The following DNAH14 variants were observed in gnomAD, a reference collection of about 807,000 sequenced individuals.
DNAH14 encodes dynein axonemal heavy chain 14.
Under a neutral mutation model 520.9 loss-of-function variants are expected in DNAH14, and 478 were observed. The observed-to-expected ratio is 0.92, with a 90% confidence interval of 0.85 to 0.99. DNAH14 has a LOEUF of 0.99. Among genes scored for constraint, DNAH14 ranks in the 50% least tolerant of loss-of-function variants. The pLI is 0.00. For missense variants in DNAH14, 4,831 were observed against 5,234.5 expected (o/e 0.92, Z 2.38); for synonymous variants, 1,581 against 1,757.2 (o/e 0.90, Z 2.51).
intron 66 of DNAH14, among the ~76,000 whole-genome samples, chr1:225,335,275 TTGTG>T (rs1476653576): frequency 1.3e-5 from 1 of 79,204 alleles, no homozygotes; most frequent in African/African-American, 5.1e-5. Flanking sequence ...CACGTGTACA[TTGTG>T]TGTATATGCA....
rs1391777127 is a variant in DNAH14 at position 225,247,263 on chromosome 1, A to G, written c.6749-5038A>G. 7.3e-5 allele frequency among the ~76,000 whole-genome samples: 11 copies of G among 151,018 alleles called. No homozygotes were observed. The East Asian group carries it at 2.2e-3, about 30-fold the overall frequency. ...AAGGGGAGGGAGAGCATTAGGACAA[A>G]TACCTAATGCATGCGGGGCTGAAAA... On this transcript the variant is annotated intron_variant, in intron 43 of 85. Coordinates refer to ENST00000682510, the MANE Select transcript of DNAH14 (RefSeq NM_001367479.1).
chr1:225,327,492 A>T (rs2094702132), intron 64 of DNAH14, among the ~76,000 whole-genome samples: 1 of 152,142 alleles, frequency 6.6e-6, no homozygotes, highest in African/African-American at 2.4e-5. Flanking sequence ...CCAGTGGGTC[A>T]CAGAAGAAAT....
chr1:224,978,901 G>A (rs893063412), intron 8 of DNAH14, among the ~76,000 whole-genome samples: 1 of 151,962 alleles, frequency 6.6e-6, no homozygotes, highest in African/African-American at 2.4e-5. Flanking sequence ...TTAGCCTCCC[G>A]AAGTACTGGG....
chr1:225,366,556 A>G (rs1245706351), intron 76 of DNAH14, among the ~76,000 whole-genome samples: 1 of 152,138 alleles, frequency 6.6e-6, no homozygotes, highest in Non-Finnish European at 1.5e-5. Context: ...ATATTTTCTC[A>G]TTTCTCCACA....
intron 17 of DNAH14, among the ~76,000 whole-genome samples, chr1:225,060,901 G>A (rs1173003206): frequency 1.8e-5 from 1 of 55,820 alleles, no homozygotes; most frequent in African/African-American, 3.1e-5. Context: ...GTACCTGGCC[G>A]TGTGAGGTGT....
At chr1:225,025,196 T>C (rs532427624) in intron 11 of DNAH14, among the ~76,000 whole-genome samples, 48 of 151,892 alleles carry the variant, frequency 3.2e-4, no homozygotes, top group African/African-American at 1.1e-3. Context: ...AAATTAGCTG[T>C]GCACGATGGC....
intron 1 of DNAH14, among the ~76,000 whole-genome samples, chr1:224,935,687 G>A (rs1484774073): frequency 6.6e-6 from 1 of 151,804 alleles, no homozygotes; most frequent in Non-Finnish European, 1.5e-5. Flanking sequence ...AGAAACATTA[G>A]ATTAGAACTG....
chr1:225,145,775 T>G (rs1199964025), intron 30 of DNAH14, among the ~76,000 whole-genome samples: 2 of 152,204 alleles, frequency 1.3e-5, no homozygotes, highest in African/African-American at 4.8e-5. Context: ...AAGACAAGAT[T>G]ATGATTAACA....
chr1:225,276,378 T>C (rs368827296), intron 53 of DNAH14, among the ~76,000 whole-genome samples: 1 of 152,156 alleles, frequency 6.6e-6, no homozygotes, highest in African/African-American at 2.4e-5. Context: ...TTATAGGAAG[T>C]TGAATGAATA....
Position 225,237,773 on chromosome 1 carries a change from T to G in DNAH14, c.6519-2820T>G, listed in dbSNP as rs138487085. Reference sequence around the variant, plus strand: ...CAGTCATAGGTTCGGTATCCTTACATAATCCCATAATTCTCAGTGGTTTTT... The same window carrying G: ...CAGTCATAGGTTCGGTATCCTTACAGAATCCCATAATTCTCAGTGGTTTTT... On this transcript the variant is annotated intron_variant, in intron 42 of 85. Coordinates refer to ENST00000682510, the MANE Select transcript of DNAH14 (RefSeq NM_001367479.1). Among the ~76,000 whole-genome samples, 1,089 of 152,338 alleles carry G rather than the reference T, an allele frequency of 7.1e-3. 3 individuals carry two copies. Among genetic ancestry groups the G allele is most frequent in the Non-Finnish European group, 0.012 (843 of 68,038 alleles).
chr1:225,021,388 A>C (rs559724736), intron 10 of DNAH14, among the ~76,000 whole-genome samples: 2 of 152,334 alleles, frequency 1.3e-5, no homozygotes, highest in Non-Finnish European at 2.9e-5. Context: ...TCTATCTAGG[A>C]AACCTTATAG....
At chr1:224,957,773 C>T (rs115125123) in intron 3 of DNAH14, among the ~76,000 whole-genome samples, 6 of 152,140 alleles carry the variant, frequency 3.9e-5, no homozygotes, top group Non-Finnish European at 8.8e-5. Flanking sequence ...GTTTTTGTGG[C>T]GTTCCAAAGC....
chr1:225,337,204 T>A, intron 66 of DNAH14, 62 bp from the exon 67 acceptor site: 1 of 1,287,490 alleles, frequency 7.8e-7, no homozygotes, highest in South Asian at 1.3e-5. Flanking sequence ...TAGTACCCTG[T>A]AGGATACTAA....
intron 27 of DNAH14, among the ~76,000 whole-genome samples, chr1:225,140,462 A>G (rs2079338666): frequency 6.6e-6 from 1 of 152,196 alleles, no homozygotes; most frequent in East Asian, 1.9e-4. Context: ...CTAATATATC[A>G]TCTTGGAGTT....
At chr1:225,013,212 C>T (rs1465729251) in intron 10 of DNAH14, among the ~76,000 whole-genome samples, 11 of 152,046 alleles carry the variant, frequency 7.2e-5, no homozygotes, top group Non-Finnish European at 5.9e-5. Context: ...TTTGCTTCTA[C>T]CAGTCAGGCC....
chr1:225,169,453 G>T (rs1408999021), intron 36 of DNAH14, among the ~76,000 whole-genome samples: 1 of 152,200 alleles, frequency 6.6e-6, no homozygotes, highest in Non-Finnish European at 1.5e-5. Context: ...GTCCTTAAAG[G>T]ACCTGATGGA....
chr1:225,022,691 T>C (rs2065804430), intron 10 of DNAH14, among the ~76,000 whole-genome samples: 1 of 152,148 alleles, frequency 6.6e-6, no homozygotes, highest in Admixed American at 6.6e-5. Context: ...TGGAGACTTC[T>C]CAAAGAACTT....
chr1:225,218,970 C>T (rs2089746082), intron 41 of DNAH14, among the ~76,000 whole-genome samples: 1 of 152,172 alleles, frequency 6.6e-6, no homozygotes, highest in South Asian at 2.1e-4. Context: ...GACCACAGTG[C>T]AATCAAGTTA....
rs2095368802 is a variant in DNAH14, at chr1:225,351,759, C to T, written c.11409C>T (p.Ser3803=). Residue 3803 remains serine, a synonymous_variant, in exon 72 of 86, where the codon TCC becomes TCT. Coordinates refer to ENST00000682510, the MANE Select transcript of DNAH14 (RefSeq NM_001367479.1). The part of the protein sequence containing the change: ...HLEPFSLLCK[S]LLSNVSQWDT... The stretch of plus-strand genomic sequence containing the variant: ...AACCATTTTCACTTCTGTGCAAATC[C>T]CTTTTATCAAACGTATCACAATGGG... 6 of 1,551,136 alleles carry T rather than the reference C, an allele frequency of 3.9e-6. No individual in the cohort carries two copies. The highest frequency in any genetic ancestry group is 5.2e-6 in the Non-Finnish European group (6 of 1,146,744).
Sources: allele counts gnomAD v4.1 joint callset (sites outside exome capture counted in the v4.1 genomes callset), GRCh38; gene constraint gnomAD v4.1.1; transcripts MANE v1.5; gene names NCBI Gene and HGNC (gene_info 2026-07-23, HGNC 2026-07-21).